The following BIRC6 variants were observed in gnomAD, a reference collection of about 807,000 sequenced individuals.
BIRC6 encodes baculoviral IAP repeat containing 6.
Under a neutral mutation model 503.3 loss-of-function variants are expected in BIRC6, and 98 were observed. The ratio of observed to expected loss-of-function variants is 0.19; its 90% CI spans 0.17 to 0.23. The LOEUF is 0.23. Ranked by LOEUF, BIRC6 falls within the 10% of genes least tolerant of loss-of-function variation. BIRC6 has a pLI of 1.00. For synonymous variants in BIRC6, 2,240 were observed against 2,078.7 expected (o/e 1.08, Z -2.11); for missense variants, 5,360 against 5,806.0 (o/e 0.92, Z 2.50).
rs1375512180 is a variant in BIRC6, at chr2:32,499,842, T to G, written c.8764T>G (p.Leu2922Val). ...GACAAGAGATCAACTCATGTTTGAT[T>G]TGTTAAAACTTGTTAACATTTTAGT... Reference protein sequence around the residue: ...EMTRDQLMFDLLKLVNILVQL... With the variant: ...EMTRDQLMFDVLKLVNILVQL... The change falls in exon 46 of 74, where the codon TTG becomes GTG. Residue 2922 changes from leucine to valine, a missense_variant. By Grantham distance (32) the Leu-to-Val change is conservative. Coordinates refer to ENST00000421745, the MANE Select transcript of BIRC6 (RefSeq NM_016252.4). 1.2e-6 allele frequency: 2 copies of G among 1,613,938 alleles called. No individual in the cohort carries two copies. Among genetic ancestry groups the G allele is most frequent in the Non-Finnish European group, 1.7e-6 (2 of 1,179,902 alleles).
chr2:32,441,239 C>A, intron 16 of BIRC6, 90 bp from the exon 17 acceptor site: 5 of 947,406 alleles, frequency 5.3e-6, no homozygotes, highest in Non-Finnish European at 7.7e-6. Context: ...GGCCACAATT[C>A]AGTTATTTTC....
rs906161428 is a variant in BIRC6 at position 32,435,636 on chromosome 2, C to G, written c.3499+51C>G. The G allele has an allele frequency of 9.5e-5, 142 of 1,490,426 alleles. No individual in the cohort carries two copies. In the Middle Eastern group the frequency reaches 1.9e-3, roughly 20 times the overall value. 92.3% of individuals were successfully genotyped at this position (1,490,426 alleles called of 1,614,324 possible). On this transcript the variant is annotated intron_variant, in intron 14 of 73. Transcript: ENST00000421745. ...CCATGACAGTAAAAGGAGTAGTGAT[C>G]TGAATGCAACATGTCGGGCAAGATT...
chr2:32,537,301 G>A (rs183260839), intron 61 of BIRC6, among the ~76,000 whole-genome samples: 357 of 152,234 alleles, frequency 2.3e-3, no homozygotes, highest in Admixed American at 5.4e-3. Context: ...GACATCAACA[G>A]AATATACATT....
intron 61 of BIRC6, among the ~76,000 whole-genome samples, chr2:32,534,160 G>C (rs1463488649): frequency 1.3e-5 from 2 of 151,934 alleles, no homozygotes; most frequent in African/African-American, 2.4e-5. Flanking sequence ...GGTCACCTGA[G>C]GTCAGCAGTT....
At position 32,415,883 on chromosome 2, in the gene BIRC6, C is replaced by A; in HGVS notation, c.2592C>A (p.Pro864=). 6.2e-7 allele frequency: 1 copy of A among 1,613,876 alleles called. No homozygotes were observed. Among genetic ancestry groups the A allele is most frequent in the South Asian group, 1.1e-5 (1 of 91,080 alleles). The stretch of plus-strand genomic sequence containing the variant: ...TTACCTCGCTCATTTTGCTTCCACC[C>A]GATATATTGGATAATCGAGAGGATG... The part of the protein sequence containing the change: ...DTITSLILLP[P]DILDNREDDC... The change falls in exon 10 of 74, where the codon CCC becomes CCA. Residue 864 remains proline (P), a synonymous_variant. Coordinates refer to ENST00000421745, the MANE Select transcript of BIRC6 (RefSeq NM_016252.4).
chr2:32,383,773 C>G (rs2038039721), intron 3 of BIRC6, among the ~76,000 whole-genome samples: 2 of 152,172 alleles, frequency 1.3e-5, no homozygotes, highest in Non-Finnish European at 2.9e-5. Flanking sequence ...CTCAGGTGAT[C>G]CAACCGTCTT....
chr2:32,610,421 G>A (rs2062785313), intron 72 of BIRC6, among the ~76,000 whole-genome samples: 1 of 152,088 alleles, frequency 6.6e-6, no homozygotes, highest in Admixed American at 6.6e-5. Context: ...TAATAATAAG[G>A]AAATTTAACT....
intron 59 of BIRC6, chr2:32,527,714 T>G (rs1363287261): frequency 6.6e-6 from 1 of 152,374 alleles, no homozygotes; most frequent in African/African-American, 2.4e-5. Context: ...GTAAAAAATA[T>G]ACCTTCAGAG....
chr2:32,534,623 C>T (rs545365135), intron 61 of BIRC6, among the ~76,000 whole-genome samples: 7 of 145,914 alleles, frequency 4.8e-5, no homozygotes, highest in South Asian at 4.4e-4. Flanking sequence ...CCCAGCTACT[C>T]GGGAGGCTGA....
At chr2:32,374,948 T>A (rs754958621) in intron 1 of BIRC6, among the ~76,000 whole-genome samples, 1 of 152,062 alleles carries the variant, frequency 6.6e-6, no homozygotes, top group Non-Finnish European at 1.5e-5. Context: ...GTAGATCCAT[T>A]TGGGGAGTGT....
chr2:32,537,613 G>T (rs1197450536), intron 61 of BIRC6, among the ~76,000 whole-genome samples: 1 of 152,146 alleles, frequency 6.6e-6, no homozygotes, highest in Non-Finnish European at 1.5e-5. Context: ...AGAATAAAAA[G>T]TATGGGATTA....
At position 32,607,446 on chromosome 2, in the gene BIRC6, A is replaced by G; in HGVS notation, c.14071-9A>G. 2.0e-6 allele frequency: 3 copies of G among 1,490,876 alleles called. No individual in the cohort carries two copies. The highest frequency in any genetic ancestry group is 3.6e-4 in the Middle Eastern group (2 of 5,506). The allele number at this position is 1,490,876 out of a possible 1,614,324, so 92.4% of individuals were successfully genotyped here. A position where few individuals can be genotyped will look rare whatever the true frequency, so the allele number is the denominator to read the frequency against. On this transcript the variant is annotated splice_polypyrimidine_tract_variant and intron_variant, in intron 71 of 73. Transcript: ENST00000421745. ...CCCATCATAGCTGTTCTTTTCCTTT[A>G]TTCTTTAGGTGTTGGTGTCTGTCCA...
At position 32,485,735 on chromosome 2, in the gene BIRC6, G is replaced by A. The variant is rs368623523; in HGVS notation, c.7789G>A (p.Ala2597Thr). 16 of 1,610,592 alleles carry A rather than the reference G, an allele frequency of 9.9e-6. No homozygotes were observed. Among genetic ancestry groups the A allele is most frequent in the South Asian group, 2.2e-5 (2 of 90,986 alleles). ...TCTGGAGGCAGATTCCATTTTACAG[G>A]CATTAACAAATACATCTCCTACATG... ...STLEADSILQ[A>T]LTNTSPTLSQ... Residue 2597 changes from alanine (A) to threonine (T), a missense_variant, in exon 40 of 74, where the codon GCA becomes ACA. Ala to Thr is a moderately conservative substitution (Grantham distance 58, BLOSUM62 0). Transcript: ENST00000421745.
At chr2:32,504,644 G>A (rs1233715872) in intron 49 of BIRC6, among the ~76,000 whole-genome samples, 1 of 151,942 alleles carries the variant, frequency 6.6e-6, no homozygotes, top group Non-Finnish European at 1.5e-5. Context: ...TCCAGCCTGG[G>A]CGACAGAGCG....
chr2:32,513,763 G>T (rs886450665), intron 54 of BIRC6, among the ~76,000 whole-genome samples: 1 of 152,156 alleles, frequency 6.6e-6, no homozygotes, highest in Admixed American at 6.5e-5. Flanking sequence ...AGAAAAACTA[G>T]CCCGGCGTGG....
intron 63 of BIRC6, 37 bp downstream of exon 63, chr2:32,545,897 AC>A: frequency 6.4e-7 from 1 of 1,562,476 alleles, no homozygotes; most frequent in Non-Finnish European, 8.8e-7. Flanking sequence ...TATTAAAAAA[AC>A]TAGATTTAAT....
At chr2:32,506,967 C>T (rs898323896) in intron 50 of BIRC6, among the ~76,000 whole-genome samples, 3 of 151,678 alleles carry the variant, frequency 2.0e-5, no homozygotes, top group African/African-American at 4.8e-5. Flanking sequence ...CTTTTTTTAC[C>T]ACTGAAATTA....
At chr2:32,500,951 G>C (rs548166353) in intron 46 of BIRC6, among the ~76,000 whole-genome samples, 47 of 151,844 alleles carry the variant, frequency 3.1e-4, no homozygotes, top group Admixed American at 9.8e-4. Flanking sequence ...TAGCCAGGCT[G>C]GTCTTGAACT....
At chr2:32,460,079 TC>T (rs1449283239) in intron 23 of BIRC6, among the ~76,000 whole-genome samples, 2 of 148,114 alleles carry the variant, frequency 1.4e-5, no homozygotes, top group African/African-American at 4.9e-5. Context: ...TCCTAGGTCT[TC>T]CTATATGTTG....
Sources: gnomAD v4.1 joint callset for allele counts (sites outside exome capture counted in the v4.1 genomes callset) on GRCh38, gnomAD v4.1.1 for gene constraint, MANE v1.5 for transcripts, NCBI Gene and HGNC (gene_info 2026-07-23, HGNC 2026-07-21) for gene names.